SIRPG: variants seen among roughly 807,000 people sequenced by gnomAD.
The protein encoded by SIRPG is signal-regulatory protein gamma.
In SIRPG, 38 loss-of-function variants were observed where a neutral mutation model predicts 35.7. The observed-to-expected ratio is 1.06, with a 90% CI of 0.82 to 1.40. SIRPG has a LOEUF of 1.40. Ranked by LOEUF, SIRPG falls within the 40% of genes most tolerant of loss-of-function variation. The pLI, the probability that SIRPG is intolerant of heterozygous loss-of-function variation, is 0.00. For synonymous variants in SIRPG, 215 were observed against 190.4 expected (o/e 1.13, Z -1.06); for missense variants, 519 against 483.0 (o/e 1.07, Z -0.70).
At chr20:1,668,036 T>C in the SIRPG span, among the ~76,000 whole-genome samples, 10 of 152,310 alleles carry the variant, frequency 6.6e-5, no homozygotes, top group African/African-American at 2.4e-4. Flanking sequence ...ATGAAATATA[T>C]GAACATGTTA....
At chr20:1,662,709 G>GTTGT (rs967584506), upstream of SIRPG, among the ~76,000 whole-genome samples, 10 of 152,288 alleles carry the variant, frequency 6.6e-5, no homozygotes, top group African/African-American at 2.4e-4. Context: ...TGAATGTAGA[G>GTTGT]TTGTTTACCA....
intron 2 of SIRPG, among the ~76,000 whole-genome samples, chr20:1,638,026 G>A (rs990681139): frequency 1.1e-4 from 17 of 152,126 alleles, no homozygotes; most frequent in Admixed American, 3.3e-4. Flanking sequence ...CAGTAAGAAG[G>A]GTGTCACTTG....
At chr20:1,650,377 A>T (rs1441506464) in intron 1 of SIRPG, among the ~76,000 whole-genome samples, 1 of 152,226 alleles carries the variant, frequency 6.6e-6, no homozygotes, top group Non-Finnish European at 1.5e-5. Context: ...ATATAAACAC[A>T]TTCACAAAAC....
At chr20:1,682,426 C>A in the SIRPG span, among the ~76,000 whole-genome samples, 16 of 152,080 alleles carry the variant, frequency 1.1e-4, no homozygotes, top group Non-Finnish European at 2.1e-4. Context: ...ATGACCATCT[C>A]AACACAGGCC....
chr20:1,650,196 G>A (rs2091932140), intron 1 of SIRPG, among the ~76,000 whole-genome samples: 1 of 151,320 alleles, frequency 6.6e-6, no homozygotes, highest in Admixed American at 6.6e-5. Flanking sequence ...CTAATGTCTT[G>A]CTTGCATCCT....
intron 4 of SIRPG, among the ~76,000 whole-genome samples, chr20:1,634,256 G>A (rs1030991621): frequency 1.6e-4 from 24 of 150,046 alleles, no homozygotes; most frequent in Non-Finnish European, 1.9e-4. Context: ...GCCCAGGCTG[G>A]AGTGCAGTGG....
intron 2 of SIRPG, among the ~76,000 whole-genome samples, chr20:1,643,191 C>G (rs2091868441): frequency 1.3e-5 from 2 of 152,350 alleles, no homozygotes; most frequent in South Asian, 4.1e-4. Flanking sequence ...TCCTCCCCAT[C>G]TCTTTCAGGT....
At chr20:1,668,571 C>T in the SIRPG span, among the ~76,000 whole-genome samples, 15 of 152,180 alleles carry the variant, frequency 9.9e-5, no homozygotes, top group African/African-American at 2.9e-4. Context: ...CGTGAGCCAC[C>T]GCACCCAGCC....
the SIRPG span, among the ~76,000 whole-genome samples, chr20:1,685,731 G>A: frequency 6.6e-6 from 1 of 152,168 alleles, no homozygotes; most frequent in Non-Finnish European, 1.5e-5. Flanking sequence ...GGGAAGCAGG[G>A]GGAACAGAGG....
intron 4 of SIRPG, among the ~76,000 whole-genome samples, chr20:1,631,279 T>A (rs2091748013): frequency 6.6e-6 from 1 of 152,100 alleles, no homozygotes; most frequent in Admixed American, 6.5e-5. Flanking sequence ...GCTGGGTGGC[T>A]CTCTGGGACT....
intron 2 of SIRPG, chr20:1,647,185 T>C (rs1172013125): frequency 1.3e-5 from 2 of 152,264 alleles, no homozygotes; most frequent in African/African-American, 2.4e-5. Context: ...GGCTCCGCCC[T>C]CATAGCACTG....
At chr20:1,676,931 T>A in the SIRPG span, 1 of 156,388 alleles carries the variant, frequency 6.4e-6, no homozygotes, top group African/African-American at 2.4e-5. Flanking sequence ...CCTTACATGA[T>A]CCTGTGTGTT....
At chr20:1,645,987 G>A (rs2091894583) in intron 2 of SIRPG, 1 of 152,212 alleles carries the variant, frequency 6.6e-6, no homozygotes, top group Non-Finnish European at 1.5e-5. Context: ...CTTAGAATGT[G>A]CTAGGTGATT....
At chr20:1,672,507 T>A in the SIRPG span, among the ~76,000 whole-genome samples, 1 of 152,174 alleles carries the variant, frequency 6.6e-6, no homozygotes, top group African/African-American at 2.4e-5. Context: ...GGGATTTTGA[T>A]CTCTCTCATC....
intron 4 of SIRPG, among the ~76,000 whole-genome samples, chr20:1,634,679 A>G (rs1408035743): frequency 6.6e-6 from 1 of 152,132 alleles, no homozygotes; most frequent in Non-Finnish European, 1.5e-5. Context: ...AACAACTCTC[A>G]AGGAATAAGG....
At chr20:1,633,507 G>A (rs2091767242) in intron 4 of SIRPG, 1 of 152,172 alleles carries the variant, frequency 6.6e-6, no homozygotes, top group South Asian at 2.1e-4. Flanking sequence ...GCTGTCTTTA[G>A]TCATAAGATC....
intron 2 of SIRPG, among the ~76,000 whole-genome samples, chr20:1,648,695 G>T (rs934812848): frequency 2.0e-5 from 3 of 152,132 alleles, no homozygotes; most frequent in African/African-American, 4.8e-5. Flanking sequence ...GCCTGAGAGA[G>T]AAGCGCTCTT....
chr20:1,660,490 C>T (rs1316058801), upstream of SIRPG, among the ~76,000 whole-genome samples: 8 of 152,144 alleles, frequency 5.3e-5, no homozygotes, highest in Middle Eastern at 6.8e-3. Flanking sequence ...AAGAATTGGG[C>T]GTATATGACT....
intron 3 of SIRPG, 142 bp from the exon 4 acceptor site, chr20:1,635,741 C>T (rs1038458988): frequency 1.1e-5 from 10 of 880,232 alleles, no homozygotes; most frequent in East Asian, 2.6e-5. Context: ...ACATTGAGGG[C>T]GCTCTTTGCA....
Sources: allele counts gnomAD v4.1 joint callset (sites outside exome capture counted in the v4.1 genomes callset), GRCh38; gene constraint gnomAD v4.1.1; transcripts MANE v1.5; gene names NCBI Gene and HGNC (gene_info 2026-07-23, HGNC 2026-07-21).